The following LRRC69 variants were observed in gnomAD, a reference collection of about 807,000 sequenced individuals.
The protein encoded by LRRC69 is leucine rich repeat containing 69.
Under a neutral mutation model 37.8 loss-of-function variants are expected in LRRC69, and 42 were observed. The ratio of observed to expected loss-of-function variants is 1.11; its 90% CI spans 0.87 to 1.44. LRRC69 has a LOEUF of 1.44. LRRC69 is among the 40% of genes most tolerant of loss of function. The pLI is 0.00. For missense variants in LRRC69, 357 were observed against 401.9 expected (o/e 0.89, Z 0.96); for synonymous variants, 141 against 143.1 (o/e 0.99, Z 0.11).
intron 1 of LRRC69, among the ~76,000 whole-genome samples, chr8:91,117,125 ACTAT>A (rs1433202086): frequency 2.0e-5 from 3 of 152,048 alleles, no homozygotes; most frequent in African/African-American, 7.2e-5. Context: ...CATAGAAAAG[ACTAT>A]CTACAGGGAG....
intron 5 of LRRC69, among the ~76,000 whole-genome samples, chr8:91,161,201 A>T (rs1052272650): frequency 6.6e-6 from 1 of 151,096 alleles, no homozygotes; most frequent in Non-Finnish European, 1.5e-5. Flanking sequence ...ATTTGCTACT[A>T]TTTTTTTAAG....
intron 6 of LRRC69, among the ~76,000 whole-genome samples, chr8:91,197,019 T>C (rs1205854752): frequency 6.6e-6 from 1 of 151,292 alleles, no homozygotes; most frequent in African/African-American, 2.4e-5. Flanking sequence ...GATGGGTTTT[T>C]GGTGTGGATG....
chr8:91,133,071 G>T, intron 3 of LRRC69, 39 bp from the exon 4 acceptor site: 2 of 1,266,774 alleles, frequency 1.6e-6, no homozygotes, highest in South Asian at 2.9e-5. Flanking sequence ...TTATTCTTGT[G>T]AGTTTCATTC....
intron 1 of LRRC69, among the ~76,000 whole-genome samples, chr8:91,110,515 T>C (rs1185680131): frequency 1.3e-5 from 2 of 151,938 alleles, no homozygotes; most frequent in Non-Finnish European, 2.9e-5. Context: ...GATGCATAAC[T>C]GTAATCCCAG....
chr8:91,177,929 C>T (rs1005271379), intron 5 of LRRC69, among the ~76,000 whole-genome samples: 7 of 146,898 alleles, frequency 4.8e-5, no homozygotes, highest in African/African-American at 1.5e-4. Flanking sequence ...GCTCACGGTA[C>T]GCTCCGCCTC....
intron 6 of LRRC69, among the ~76,000 whole-genome samples, chr8:91,193,074 A>T (rs1036154633): frequency 6.8e-5 from 10 of 146,978 alleles, no homozygotes; most frequent in African/African-American, 1.0e-4. Flanking sequence ...ATGGCTAGCC[A>T]GTTTTCCCAG....
At chr8:91,115,375 G>A (rs1813493613) in intron 1 of LRRC69, among the ~76,000 whole-genome samples, 1 of 152,060 alleles carries the variant, frequency 6.6e-6, no homozygotes, top group Non-Finnish European at 1.5e-5. Flanking sequence ...GGAAGGAACT[G>A]TGGCTAACTG....
chr8:91,142,540 C>G (rs561430819), intron 5 of LRRC69, among the ~76,000 whole-genome samples: 2 of 152,112 alleles, frequency 1.3e-5, no homozygotes, highest in East Asian at 3.9e-4. Flanking sequence ...AGCAGTGACC[C>G]TCAAACTTGA....
In LRRC69 at chr8:91,205,305, G is replaced by A. The variant is rs977568594; in HGVS notation, c.933+4513G>A. 4.5e-4 allele frequency among the ~76,000 whole-genome samples: 68 copies of A among 152,118 alleles called. 1 individual carries two copies. Among genetic ancestry groups the A allele is most frequent in the African/African-American group, 1.6e-3 (66 of 41,520 alleles). On this transcript the variant is annotated intron_variant, in intron 7 of 7. Coordinates refer to ENST00000448384, the Ensembl canonical transcript of LRRC69. ...CCACGCTTAGGACATGGAGGCTCAC[G>A]TTACTGGCCTGTTTACTTTCCAAGA...
chr8:91,153,925 G>T lies in LRRC69; in HGVS notation c.651+18186G>T, dbSNP rs1808786835. 8.6e-5 allele frequency among the ~76,000 whole-genome samples: 13 copies of T among 151,726 alleles called. No homozygotes were observed. In the Admixed American group the frequency reaches 8.6e-4, roughly 10 times the overall value. On this transcript the variant is annotated intron_variant, in intron 5 of 7. Coordinates refer to ENST00000448384, the Ensembl canonical transcript of LRRC69. ...CTTCAAAAAAAATCAATGAATCCAGGAGCTGGTTTTTTGAAAAAATTAATA... is the reference window on the plus strand; with the variant it reads ...CTTCAAAAAAAATCAATGAATCCAGTAGCTGGTTTTTTGAAAAAATTAATA...
chr8:91,107,656 A>C (rs1813341033), intron 1 of LRRC69, among the ~76,000 whole-genome samples: 1 of 152,032 alleles, frequency 6.6e-6, no homozygotes, highest in Non-Finnish European at 1.5e-5. Flanking sequence ...CAACAATGAT[A>C]AAATGAGGGG....
chr8:91,189,667 CAATTT>C (rs1461404874), intron 6 of LRRC69, 44 bp downstream of exon 6: 1 of 1,303,044 alleles, frequency 7.7e-7, no homozygotes, highest in South Asian at 1.4e-5. Flanking sequence ...ACTAAAGCCA[CAATTT>C]AAATTTTAAA....
chr8:91,200,177 A>C (rs1809688391), intron 6 of LRRC69, among the ~76,000 whole-genome samples: 1 of 152,168 alleles, frequency 6.6e-6, no homozygotes. Context: ...ATAAGCTCCC[A>C]TGTGATGCAG....
chr8:91,170,999 TC>T (rs1809117378), intron 5 of LRRC69, among the ~76,000 whole-genome samples: 1 of 148,274 alleles, frequency 6.7e-6, no homozygotes, highest in Admixed American at 6.8e-5. Context: ...CGCAACCTAC[TC>T]ATCTGACAAA....
intron 1 of LRRC69, among the ~76,000 whole-genome samples, chr8:91,109,151 C>T (rs539512831): frequency 1.8e-5 from 2 of 108,330 alleles, no homozygotes; most frequent in African/African-American, 6.1e-5. Context: ...ATAGTACCTT[C>T]TCTCCAGGAA....
intron 1 of LRRC69, among the ~76,000 whole-genome samples, chr8:91,106,229 G>T (rs1466985039): frequency 6.6e-6 from 1 of 152,040 alleles, no homozygotes; most frequent in Admixed American, 6.6e-5. Flanking sequence ...TATCAGTAAT[G>T]TTTAAAGCTA....
chr8:91,127,292 C>A, intron 3 of LRRC69, 132 bp downstream of exon 3: 1 of 603,360 alleles, frequency 1.7e-6, no homozygotes, highest in Non-Finnish European at 2.8e-6. Flanking sequence ...ATCTGAAGGA[C>A]TGAGGCAAGC....
intron 1 of LRRC69, among the ~76,000 whole-genome samples, chr8:91,104,518 C>G (rs915629848): frequency 6.6e-6 from 1 of 151,804 alleles, no homozygotes; most frequent in African/African-American, 2.4e-5. Flanking sequence ...TTCCTTTGTT[C>G]TTGTGCCTTA....
chr8:91,153,314 A>T (rs1317501465), intron 5 of LRRC69, among the ~76,000 whole-genome samples: 1 of 151,272 alleles, frequency 6.6e-6, no homozygotes, highest in East Asian at 1.9e-4. Flanking sequence ...TGAGACAGAA[A>T]ATTAACAAGG....
Sources: allele counts gnomAD v4.1 joint callset (sites outside exome capture counted in the v4.1 genomes callset), GRCh38; gene constraint gnomAD v4.1.1; transcripts MANE v1.5; gene names NCBI Gene and HGNC (gene_info 2026-07-23, HGNC 2026-07-21).